LRP1: variants seen among roughly 807,000 people sequenced by gnomAD.
LRP1 encodes the protein LDL receptor related protein 1, also known as prolow-density lipoprotein receptor-related protein 1.
LRP1 carries 51 observed loss-of-function variants against 541.5 expected under a neutral mutation model. That is an observed-to-expected ratio of 0.09 (90% CI 0.08 to 0.12). The LOEUF is 0.12. LRP1 is among the 10% of genes least tolerant of loss of function. The pLI, the probability that LRP1 is intolerant of heterozygous loss-of-function variation, is 1.00. For missense variants in LRP1, 3,878 were observed against 6,376.2 expected, an observed-to-expected ratio of 0.61 and a Z score of 13.34; for synonymous variants, 2,219 against 2,470.8, an observed-to-expected ratio of 0.90 and a Z score of 3.02.
chr12:57,158,584 C>A lies in LRP1; in HGVS notation c.1744C>A (p.Leu582Ile). 1 of 1,614,202 alleles carries A rather than the reference C, an allele frequency of 6.2e-7. No homozygotes were observed. The highest frequency in any genetic ancestry group is 8.5e-7 in the Non-Finnish European group (1 of 1,180,024). The change falls in exon 11 of 89, where the codon CTC becomes ATC. Residue 582 changes from leucine (L) to isoleucine (I), a missense_variant. This residue lies in a region of LRP1 where 496 missense variants were observed against 861.0 expected (regional missense o/e 0.58). Transcript: ENST00000243077. The surrounding 1 kb of genome is among the most constrained non-coding windows in gnomAD (Gnocchi z 5.3). ...CTACTTTGCCGACACCACCAGCTAC[C>A]TCATTGGCCGCCAGAAGATTGATGG... The part of the protein sequence containing the change: ...FIYFADTTSY[L>I]IGRQKIDGTE...
At chr12:57,176,723 T>C (rs1453211304) in intron 24 of LRP1, among the ~76,000 whole-genome samples, 1 of 152,100 alleles carries the variant, frequency 6.6e-6, no homozygotes, top group Non-Finnish European at 1.5e-5. Context: ...TGTGCAACAG[T>C]CTCTAAAACA....
At chr12:57,166,430 G>A (rs1037799256) in intron 17 of LRP1, 11 of 543,622 alleles carry the variant, frequency 2.0e-5, no homozygotes, top group Non-Finnish European at 2.9e-5. Flanking sequence ...GCGTGGTGGC[G>A]TGCACCTCTA....
intron 61 of LRP1, 130 bp downstream of exon 61, chr12:57,199,530 C>A: frequency 2.0e-6 from 2 of 1,022,014 alleles, no homozygotes; most frequent in Non-Finnish European, 2.8e-6. Flanking sequence ...CCAGGAGGGT[C>A]TAGACAGGGG....
At position 57,204,789 on chromosome 12, in the gene LRP1, A is replaced by G; in HGVS notation, c.11194+40A>G. 1 of 1,603,058 alleles carries G rather than the reference A, an allele frequency of 6.2e-7. No individual in the cohort carries two copies. The highest frequency in any genetic ancestry group is 8.5e-7 in the Non-Finnish European group (1 of 1,171,854). On this transcript the variant is annotated intron_variant, in intron 72 of 88. Coordinates refer to ENST00000243077, the MANE Select transcript of LRP1 (RefSeq NM_002332.3). This position sits in a 1 kb window ranked among gnomAD's most constrained non-coding sequence, Gnocchi z 5.3. ...GACGAGAGGCCTGCAGGGGACGGGTAGTGCACAGTGGGGTGAGTCTGGTCC... is the reference window on the plus strand; with the variant it reads ...GACGAGAGGCCTGCAGGGGACGGGTGGTGCACAGTGGGGTGAGTCTGGTCC...
intron 2 of LRP1, among the ~76,000 whole-genome samples, chr12:57,140,609 TAGA>T (rs979029358): frequency 6.6e-6 from 1 of 152,234 alleles, no homozygotes; most frequent in Non-Finnish European, 1.5e-5. Flanking sequence ...AGTGAAGGTC[TAGA>T]AGATTTGGCA....
intron 76 of LRP1, among the ~76,000 whole-genome samples, chr12:57,207,569 C>T (rs547321512): frequency 8.0e-5 from 12 of 150,930 alleles, no homozygotes; most frequent in East Asian, 3.9e-4. Context: ...AAGGGCAGTG[C>T]GAGGGGCAAA....
chr12:57,200,161 C>T (rs1592656247), intron 62 of LRP1, 136 bp downstream of exon 62: 2 of 745,140 alleles, frequency 2.7e-6, no homozygotes, highest in East Asian at 5.4e-5. Context: ...CATTTCTTGC[C>T]TACCTCTTGT....
chr12:57,202,312 C>T, intron 67 of LRP1, 109 bp from the exon 68 acceptor site: 1 of 878,186 alleles, frequency 1.1e-6, no homozygotes, highest in East Asian at 2.4e-5. Flanking sequence ...TGACCCTTCC[C>T]AAGCTGGGAT....
chr12:57,167,372 C>A (rs552435504), intron 18 of LRP1, 72 bp from the exon 19 acceptor site: 3 of 1,123,222 alleles, frequency 2.7e-6, no homozygotes, highest in Non-Finnish European at 4.1e-6. Flanking sequence ...AGGGCCGCTG[C>A]ACTCACCTGC....
rs774403295 is a variant in LRP1, at chr12:57,203,206, G to A, written c.10737G>A (p.Glu3579=). 8.1e-6 allele frequency: 13 copies of A among 1,607,236 alleles called. No individual in the cohort carries two copies. Among genetic ancestry groups the A allele is most frequent in the Non-Finnish European group, 1.0e-5 (12 of 1,177,112 alleles). ...SCTPRPCSES[E]FSCANGRCIA... ...CCCCTCGGCCCTGCTCCGAGAGTGAGTTCTCCTGTGCCAACGGCCGCTGCA... is the reference window on the plus strand; with the variant it reads ...CCCCTCGGCCCTGCTCCGAGAGTGAATTCTCCTGTGCCAACGGCCGCTGCA... Residue 3579 remains glutamate (E), a synonymous_variant, in exon 69 of 89, where the codon GAG becomes GAA. Transcript: ENST00000243077.
intron 1 of LRP1, among the ~76,000 whole-genome samples, chr12:57,133,636 C>G (rs1472444300): frequency 7.2e-6 from 1 of 139,686 alleles, no homozygotes; most frequent in Non-Finnish European, 1.6e-5. Flanking sequence ...CCCCACCCCA[C>G]CCCCCGCACC....
In LRP1 at chr12:57,184,128, C is replaced by T. The variant is rs761740456; in HGVS notation, c.5973C>T (p.Val1991=). 1.2e-5 allele frequency: 20 copies of T among 1,614,132 alleles called. No individual in the cohort carries two copies. Among genetic ancestry groups the T allele is most frequent in the Middle Eastern group, 1.6e-4 (1 of 6,062 alleles). ...ACCAGGGCTTTGATGTCATCGAGGTCGCCCGGCTCAATGGCTCCTTCCGCT... is the reference window on the plus strand; with the variant it reads ...ACCAGGGCTTTGATGTCATCGAGGTTGCCCGGCTCAATGGCTCCTTCCGCT... ...WTDQGFDVIE[V]ARLNGSFRYV... is the part of the protein sequence containing the mutation. Residue 1991 remains valine (V), a synonymous_variant, in exon 37 of 89, where the codon GTC becomes GTT. Coordinates refer to ENST00000243077, the MANE Select transcript of LRP1 (RefSeq NM_002332.3). The surrounding 1 kb of genome is among the most constrained non-coding windows in gnomAD (Gnocchi z 7.8).
At chr12:57,194,874 C>A in intron 50 of LRP1, 111 bp from the exon 51 acceptor site, 1 of 1,163,782 alleles carries the variant, frequency 8.6e-7, no homozygotes, top group Admixed American at 1.8e-5. Context: ...TGCTGAGCCC[C>A]CCCACAGAGG....
chr12:57,156,271 C>T lies in LRP1; in HGVS notation c.1405C>T (p.Arg469Cys), dbSNP rs779631645. 26 of 1,613,988 alleles carry T rather than the reference C, an allele frequency of 1.6e-5. No homozygotes were observed. Among genetic ancestry groups the T allele is most frequent in the Middle Eastern group, 1.6e-4 (1 of 6,082 alleles). Residue 469 changes from arginine to cysteine, a missense_variant, in exon 9 of 89, where the codon CGT becomes TGT. Coordinates refer to ENST00000243077, the MANE Select transcript of LRP1 (RefSeq NM_002332.3). The surrounding 1 kb of genome is among the most constrained non-coding windows in gnomAD (Gnocchi z 5.2). The stretch of plus-strand genomic sequence containing the variant: ...TGCCCTCCACATCTACCACCAGAGG[C>T]GTCAGCCCCGAGGTGAGCAGGGCTC... ...GGALHIYHQR[R>C]QPRVRSHACE...
chr12:57,211,558 C>T lies in LRP1; in HGVS notation c.13163C>T (p.Thr4388Ile), dbSNP rs1296156090. 6.2e-7 allele frequency: 1 copy of T among 1,614,080 alleles called. No homozygotes were observed. Residue 4388 changes from threonine (T) to isoleucine (I), a missense_variant, in exon 85 of 89, where the codon ACC (threonine) becomes ATC (isoleucine). By Grantham distance (89) the Thr-to-Ile change is moderately conservative. This residue lies in a region of LRP1 where 871 missense variants were observed against 1,212.4 expected (regional missense o/e 0.72). Coordinates refer to ENST00000243077, the MANE Select transcript of LRP1 (RefSeq NM_002332.3). The surrounding 1 kb of genome is among the most constrained non-coding windows in gnomAD (Gnocchi z 4.3). ...VGHCSNGGSC[T>I]MNSKMMPECQ... ...CACTGCAGCAATGGCGGCTCCTGTACCATGAACAGCAAAATGATGCCTGAG... is the reference window on the plus strand; with the variant it reads ...CACTGCAGCAATGGCGGCTCCTGTATCATGAACAGCAAAATGATGCCTGAG...
Position 57,198,576 on chromosome 12 carries a change from G to A in LRP1, c.9582G>A (p.Leu3194=). The change falls in exon 60 of 89, where the codon CTG becomes CTA. Residue 3194 remains leucine (L), a synonymous_variant. Coordinates refer to ENST00000243077, the MANE Select transcript of LRP1 (RefSeq NM_002332.3). ...VDTKITWPNG[L]TLDYVTERIY... ...CCAAGATCACATGGCCCAATGGCCT[G>A]ACGCTGGACTATGTCACTGAGCGCA... 6.2e-7 allele frequency: 1 copy of A among 1,613,962 alleles called. No individual in the cohort carries two copies.
At chr12:57,131,332 G>A (rs1278765755) in intron 1 of LRP1, among the ~76,000 whole-genome samples, 1 of 152,190 alleles carries the variant, frequency 6.6e-6, no homozygotes, top group Non-Finnish European at 1.5e-5. Context: ...TGTACCTGCT[G>A]CTGGAGAGGT....
rs1202713782 is a variant in LRP1, at chr12:57,211,073, A to G, written c.12917-103A>G. ...TGGCACACTTCCCCTGAGGCAGTGC[A>G]CCCCCTGCACCAAGATTATGCAAAC... On this transcript the variant is annotated intron_variant, in intron 83 of 88. Transcript: ENST00000243077. This position sits in a 1 kb window ranked among gnomAD's most constrained non-coding sequence, Gnocchi z 4.3. 4.9e-5 allele frequency: 69 copies of G among 1,420,598 alleles called. No individual in the cohort carries two copies. Among genetic ancestry groups the G allele is most frequent in the Non-Finnish European group, 6.6e-5 (68 of 1,033,736 alleles). The allele number at this position is 1,420,598 out of a possible 1,614,324, so 88.0% of individuals were successfully genotyped here. A position where few individuals can be genotyped will look rare whatever the true frequency, so the allele number is the denominator to read the frequency against.
In LRP1 at chr12:57,141,470, A is replaced by C. The variant is rs1565714276; in HGVS notation, c.287A>C (p.Gln96Pro). Reference sequence around the variant, plus strand: ...ATGTCCCGCCTCTGCAATGGGGTCCAGGACTGCATGGACGGCTCAGATGAG... The same window carrying C: ...ATGTCCCGCCTCTGCAATGGGGTCCCGGACTGCATGGACGGCTCAGATGAG... ...VPMSRLCNGVQDCMDGSDEGP... is the reference protein window; with the variant it reads ...VPMSRLCNGVPDCMDGSDEGP... Residue 96 changes from glutamine to proline, a missense_variant, in exon 3 of 89, where the codon CAG becomes CCG. Coordinates refer to ENST00000243077, the MANE Select transcript of LRP1 (RefSeq NM_002332.3). 21 of 1,614,178 alleles carry C rather than the reference A, an allele frequency of 1.3e-5. No homozygotes were observed. Among genetic ancestry groups the C allele is most frequent in the Non-Finnish European group, 1.8e-5 (21 of 1,180,036 alleles).
Sources: gnomAD v4.1 joint callset for allele counts (sites outside exome capture counted in the v4.1 genomes callset) on GRCh38, gnomAD v4.1.1 for gene constraint, gnomAD v4.1.1 regional missense constraint, Gnocchi (gnomAD v3.1) non-coding constraint, MANE v1.5 for transcripts, NCBI Gene and HGNC (gene_info 2026-07-23, HGNC 2026-07-21) for gene names.